The following DOCK8 variants were observed in gnomAD, a reference collection of about 807,000 sequenced individuals.
DOCK8 encodes the protein dedicator of cytokinesis protein 8.
Under a neutral mutation model 245.6 loss-of-function variants are expected in DOCK8, and 141 were observed. That is an observed-to-expected ratio of 0.57 (90% CI 0.50 to 0.66). The LOEUF is 0.66. Among genes scored for constraint, DOCK8 ranks in the 30% least tolerant of loss-of-function variants. DOCK8 has a pLI of 0.00. For missense variants in DOCK8, 2,965 were observed against 2,603.4 expected (o/e 1.14, Z -3.02); for synonymous variants, 1,168 against 970.2 (o/e 1.20, Z -3.79).
Position 451,990 on chromosome 9 carries a change from T to A in DOCK8, c.5962-21T>A, listed in dbSNP as rs531822828. 270 of 606,112 alleles carry A rather than the reference T, an allele frequency of 4.5e-4. No individual in the cohort carries two copies. The highest frequency in any genetic ancestry group is 8.4e-4 in the African/African-American group (34 of 40,294). 37.5% of individuals were successfully genotyped at this position (606,112 alleles called of 1,614,324 possible). A position where few individuals can be genotyped will look rare whatever the true frequency, so the allele number is the denominator to read the frequency against. On this transcript the variant is annotated intron_variant, in intron 45 of 47. Coordinates refer to ENST00000432829, the MANE Select transcript of DOCK8 (RefSeq NM_203447.4). Reference sequence around the variant, plus strand: ...ATATATATATATATTTTTTTTTTTTTTTTTTTTTTTTTCCCACCAGGGACC... The same window carrying A: ...ATATATATATATATTTTTTTTTTTTATTTTTTTTTTTTCCCACCAGGGACC...
chr9:282,680 C>T (rs972391094), intron 2 of DOCK8, among the ~76,000 whole-genome samples: 10 of 152,236 alleles, frequency 6.6e-5, no homozygotes, highest in African/African-American at 1.9e-4. Flanking sequence ...GCGTTGGCCT[C>T]CCGAAGTGCT....
chr9:345,756 T>G (rs893454894), intron 14 of DOCK8, among the ~76,000 whole-genome samples: 1 of 152,248 alleles, frequency 6.6e-6, no homozygotes, highest in African/African-American at 2.4e-5. Flanking sequence ...CCATTCGAGT[T>G]GCATTCTAGT....
chr9:400,895 TCCCCCACTACCAACAGCTC>T lies in DOCK8; in HGVS notation c.3234+1638_3234+1656del. Among the ~76,000 whole-genome samples, 34 of 42,146 alleles carry T rather than the reference TCCCCCACTACCAACAGCTC, an allele frequency of 8.1e-4. 5 individuals carry two copies. The highest frequency in any genetic ancestry group is 0.015 in the Middle Eastern group (1 of 66). 27.6% of individuals were successfully genotyped at this position (42,146 alleles called of 152,430 possible). Reference sequence around the variant, plus strand: ...CACCACCACCTCCACCACCACCACCTCCCCCACTACCAACAGCTCCTTCACCATCACCACAACATCCACC... The same window carrying T: ...CACCACCACCTCCACCACCACCACCTCTTCACCATCACCACAACATCCACC... On this transcript the variant is annotated intron_variant, in intron 26 of 47. Coordinates refer to ENST00000432829, the MANE Select transcript of DOCK8 (RefSeq NM_203447.4).
rs1267706855 is a variant in DOCK8 at position 446,547 on chromosome 9, A to G, written c.5758A>G (p.Thr1920Ala). 6.2e-7 allele frequency: 1 copy of G among 1,614,146 alleles called. No homozygotes were observed. Among genetic ancestry groups the G allele is most frequent in the African/African-American group, 1.3e-5 (1 of 75,024 alleles). The change falls in exon 44 of 48, where the codon ACC becomes GCC. Residue 1920 changes from threonine to alanine, a missense_variant. Thr to Ala is a moderately conservative substitution (Grantham distance 58, BLOSUM62 0). Transcript: ENST00000432829. Reference sequence around the variant, plus strand: ...GCAGTACAGAAGGAACACAGTCCTGACCACTATGCACGCCTTCCCCTACAT... The same window carrying G: ...GCAGTACAGAAGGAACACAGTCCTGGCCACTATGCACGCCTTCCCCTACAT... ...HEQYRRNTVL[T>A]TMHAFPYIKT...
At chr9:219,008 A>G (rs2046825734) in intron 1 of DOCK8, among the ~76,000 whole-genome samples, 1 of 152,234 alleles carries the variant, frequency 6.6e-6, no homozygotes, top group Non-Finnish European at 1.5e-5. Context: ...CACAGCTGAG[A>G]TTCAAATGCA....
chr9:429,048 G>A (rs1027708800), intron 35 of DOCK8, among the ~76,000 whole-genome samples: 4 of 152,180 alleles, frequency 2.6e-5, no homozygotes, highest in Admixed American at 6.5e-5. Flanking sequence ...GCTCACTGCA[G>A]CCTCTGCGCC....
intron 1 of DOCK8, among the ~76,000 whole-genome samples, chr9:229,410 C>G (rs1393828522): frequency 6.6e-6 from 1 of 152,146 alleles, no homozygotes; most frequent in East Asian, 1.9e-4. Context: ...ATAGTCCTGC[C>G]TGGAGGCAGG....
At chr9:460,036 C>T (rs4740781) in intron 46 of DOCK8, 112,967 of 152,096 alleles carry the variant, frequency 0.74, 43,194 homozygotes, top group East Asian at 1. Context: ...TGGCCATTTT[C>T]AGAAATACAA....
intron 15 of DOCK8, 27 bp downstream of exon 15, chr9:368,162 C>G: frequency 6.3e-7 from 1 of 1,590,170 alleles, no homozygotes; most frequent in Non-Finnish European, 8.6e-7. Flanking sequence ...ACATTTGCCT[C>G]AAATCAGGGT....
chr9:415,009 T>C lies in DOCK8; in HGVS notation c.3700+58T>C, dbSNP rs2055926026. The C allele has an allele frequency of 1.1e-5, 17 of 1,599,292 alleles. No individual in the cohort carries two copies. The Admixed American group carries it at 2.8e-4, about 27-fold the overall frequency. ...TTGGGGGCCCCTGCCAAATGCCCCATCCGAATGAGATCTCTGTCATTCGTT... is the reference window on the plus strand; with the variant it reads ...TTGGGGGCCCCTGCCAAATGCCCCACCCGAATGAGATCTCTGTCATTCGTT... On this transcript the variant is annotated intron_variant, in intron 29 of 47. Transcript: ENST00000432829.
intron 5 of DOCK8, among the ~76,000 whole-genome samples, chr9:310,856 C>T (rs797016699): frequency 1.6e-4 from 24 of 152,286 alleles, no homozygotes; most frequent in African/African-American, 5.3e-4. Flanking sequence ...TCATCTGGGC[C>T]TGTGACATTC....
chr9:402,021 G>A (rs2055135236), intron 26 of DOCK8, among the ~76,000 whole-genome samples: 1 of 152,116 alleles, frequency 6.6e-6, no homozygotes, highest in African/African-American at 2.4e-5. Flanking sequence ...TCAGTATTTA[G>A]GATTCCAGGT....
At chr9:427,521 A>G (rs2056546291) in intron 34 of DOCK8, among the ~76,000 whole-genome samples, 1 of 152,202 alleles carries the variant, frequency 6.6e-6, no homozygotes, top group Non-Finnish European at 1.5e-5. Context: ...ACTTTGTACC[A>G]TACTAATTTT....
chr9:414,484 C>G (rs762530825), intron 28 of DOCK8, among the ~76,000 whole-genome samples: 18 of 151,822 alleles, frequency 1.2e-4, no homozygotes, highest in Non-Finnish European at 2.2e-4. Flanking sequence ...AGGGTTAGAA[C>G]ACAGGCAGTC....
At chr9:407,187 G>A in intron 28 of DOCK8, 118 bp downstream of exon 28, 2 of 1,456,266 alleles carry the variant, frequency 1.4e-6, no homozygotes, top group Non-Finnish European at 1.9e-6. Context: ...GACCAGTTCT[G>A]AGGAGTAGAA....
intron 10 of DOCK8, 91 bp downstream of exon 10, chr9:332,569 C>T (rs1336346535): frequency 4.6e-6 from 4 of 860,890 alleles, no homozygotes; most frequent in Middle Eastern, 2.3e-4. Context: ...GGGCTTTAGT[C>T]CCTAATGTGT....
intron 5 of DOCK8, among the ~76,000 whole-genome samples, chr9:305,357 A>G (rs1024831162): frequency 6.6e-6 from 1 of 150,928 alleles, no homozygotes; most frequent in Non-Finnish European, 1.5e-5. Context: ...ATCTTGGCTC[A>G]CTGCAAGCTC....
At chr9:227,021 G>A (rs2047004830) in intron 1 of DOCK8, among the ~76,000 whole-genome samples, 1 of 152,134 alleles carries the variant, frequency 6.6e-6, no homozygotes, top group African/African-American at 2.4e-5. Flanking sequence ...ATAACAAGGA[G>A]AGAACCAGAA....
intron 2 of DOCK8, 76 bp downstream of exon 2, chr9:271,805 C>T (rs934559864): frequency 1.7e-5 from 16 of 959,328 alleles, no homozygotes; most frequent in African/African-American, 3.3e-5. Flanking sequence ...GCCTCCTGTT[C>T]CTTAGATCTT....
Sources: allele counts gnomAD v4.1 joint callset (sites outside exome capture counted in the v4.1 genomes callset), GRCh38; gene constraint gnomAD v4.1.1; transcripts MANE v1.5; gene names NCBI Gene and HGNC (gene_info 2026-07-23, HGNC 2026-07-21).